CARHSP1: variants seen among roughly 807,000 people sequenced by gnomAD.
The protein encoded by CARHSP1 is calcium-regulated heat-stable protein 1.
A neutral mutation model predicts 12.5 loss-of-function variants in CARHSP1; 14 were observed. That is an observed-to-expected ratio of 1.12 (90% confidence interval 0.74 to 1.75). The LOEUF (loss-of-function observed/expected upper bound fraction) is 1.75, where lower values mean the gene tolerates loss of function less well. Ranked by LOEUF, CARHSP1 falls within the 40% of genes most tolerant of loss-of-function variation. The probability of loss-of-function intolerance (pLI) is 0.00; values close to 1 mark genes in which losing one functional copy is unlikely to be tolerated. For synonymous variants in CARHSP1, 161 were observed against 82.0 expected (o/e 1.96, Z -5.20); for missense variants, 343 against 201.6 (o/e 1.70, Z -4.25).
Position 8,858,492 on chromosome 16 carries a change from GT to G in CARHSP1, c.159-21del. On this transcript the variant is annotated intron_variant, in intron 2 of 3. Coordinates refer to ENST00000311052, the MANE Select transcript of CARHSP1 (RefSeq NM_014316.4). ...ACCGTCCTGACAGAGAGGGGGAAAT[GT>G]CAGGGGCCCCATCAGCGCTCCTGGG... 1 of 1,612,044 alleles carries G rather than the reference GT, an allele frequency of 6.2e-7. No homozygotes were observed. Among genetic ancestry groups the G allele is most frequent in the Non-Finnish European group, 8.5e-7 (1 of 1,179,690 alleles).
At position 8,858,448 on chromosome 16, in the gene CARHSP1, G is replaced by C. The variant is rs753383995; in HGVS notation, c.183C>G (p.Pro61=). 6.8e-6 allele frequency: 11 copies of C among 1,613,718 alleles called. No homozygotes were observed. Among genetic ancestry groups the C allele is most frequent in the East Asian group, 6.7e-5 (3 of 44,884 alleles). Residue 61 remains proline (P), a synonymous_variant, in exon 3 of 4, where the codon CCC becomes CCG. Coordinates refer to ENST00000311052, the MANE Select transcript of CARHSP1 (RefSeq NM_014316.4). ...FSATVRASQG[P]VYKGVCKCFC... ...AGCATTTGCAGACTCCTTTGTAGAC[G>C]GGGCCCTGTGAAGCCCGCACCGTCC...
chr16:8,864,235 A>C (rs1249653972), intron 1 of CARHSP1, among the ~76,000 whole-genome samples: 1 of 152,130 alleles, frequency 6.6e-6, no homozygotes, highest in East Asian at 1.9e-4. Flanking sequence ...TCTGCATCTG[A>C]GCGCATACAC....
At chr16:8,861,913 C>A in intron 1 of CARHSP1, 1 of 669,972 alleles carries the variant, frequency 1.5e-6, no homozygotes, top group Non-Finnish European at 2.1e-6. Context: ...CGCAACTCCA[C>A]AGTTAGAGAC....
chr16:8,858,050 A>G (rs1164026965), intron 3 of CARHSP1: 1 of 356,270 alleles, frequency 2.8e-6, no homozygotes, highest in Non-Finnish European at 5.2e-6. Flanking sequence ...GGCGTGAGCC[A>G]CCACGCCCAG....
At chr16:8,864,208 G>C (rs1192378957) in intron 1 of CARHSP1, among the ~76,000 whole-genome samples, 1 of 152,172 alleles carries the variant, frequency 6.6e-6, no homozygotes, top group African/African-American at 2.4e-5. Flanking sequence ...ATACATATGT[G>C]CCCACACATG....
intron 3 of CARHSP1, among the ~76,000 whole-genome samples, chr16:8,857,263 G>GTTTTTTGTTTTTTT (rs1315960023): frequency 4.0e-4 from 23 of 57,030 alleles, no homozygotes; most frequent in South Asian, 8.8e-4. Flanking sequence ...GGGCAGATCT[G>GTTTTTTGTTTTTTT]TTTTTTTTTT....
chr16:8,859,150 C>G (rs757257180), intron 2 of CARHSP1, 21 bp downstream of exon 2: 1 of 1,572,952 alleles, frequency 6.4e-7, no homozygotes, highest in Non-Finnish European at 8.7e-7. Context: ...AGAACGCGTC[C>G]CCAGCCTGCT....
chr16:8,862,094 C>G (rs1376698825), intron 1 of CARHSP1, among the ~76,000 whole-genome samples: 1 of 147,346 alleles, frequency 6.8e-6, no homozygotes, highest in Non-Finnish European at 1.5e-5. Flanking sequence ...CCTCCACCTT[C>G]TGGGTTCAAG....
intron 3 of CARHSP1, among the ~76,000 whole-genome samples, chr16:8,855,931 T>C (rs764049963): frequency 1.3e-5 from 2 of 152,224 alleles, no homozygotes; most frequent in Admixed American, 6.5e-5. Flanking sequence ...GTGATTCTCC[T>C]GCCTCAGCCA....
chr16:8,868,875 G>A (rs976108509), intron 1 of CARHSP1, 91 bp downstream of exon 1: 1 of 151,944 alleles, frequency 6.6e-6, no homozygotes, highest in East Asian at 2.0e-4. Context: ...GGGGACGATG[G>A]AGGCAGAGGA....
At chr16:8,859,101 A>C (rs961588836) in intron 2 of CARHSP1, 70 bp downstream of exon 2, 3 of 1,433,832 alleles carry the variant, frequency 2.1e-6, no homozygotes, top group Non-Finnish European at 2.8e-6. Flanking sequence ...ATGGCCAGAG[A>C]CACAGTGAAT....
At chr16:8,866,121 T>A (rs1470122804) in intron 1 of CARHSP1, among the ~76,000 whole-genome samples, 1 of 152,136 alleles carries the variant, frequency 6.6e-6, no homozygotes, top group African/African-American at 2.4e-5. Flanking sequence ...ACCCAGCTAA[T>A]TTTTTTATTT....
chr16:8,862,337 T>A (rs972344607), intron 1 of CARHSP1, among the ~76,000 whole-genome samples: 1 of 152,084 alleles, frequency 6.6e-6, no homozygotes, highest in African/African-American at 2.4e-5. Flanking sequence ...CACTAAGCAC[T>A]GGGCACACTG....
At position 8,862,566 on chromosome 16, in the gene CARHSP1, G is replaced by T. The variant is rs139912526; in HGVS notation, c.-7-3231C>A. 4.6e-5 allele frequency among the ~76,000 whole-genome samples: 7 copies of T among 152,272 alleles called. No homozygotes were observed. The East Asian group carries it at 1.2e-3, about 25-fold the overall frequency. On this transcript the variant is annotated intron_variant, in intron 1 of 3. Coordinates refer to ENST00000311052, the MANE Select transcript of CARHSP1 (RefSeq NM_014316.4). ...TAAAGAAACAGACAGAAGGGGATAG[G>T]GGGAGAAGGGTGGGAATACACACGC...
chr16:8,859,081 A>G lies in CARHSP1; in HGVS notation c.158+90T>C, dbSNP rs549122907. On this transcript the variant is annotated intron_variant, in intron 2 of 3. Coordinates refer to ENST00000311052, the MANE Select transcript of CARHSP1 (RefSeq NM_014316.4). ...CTGCCTATTTGGCAGTCCGGGACAT[A>G]GGCCCAAAAATGGCCAGAGACACAG... 3.1e-6 allele frequency: 4 copies of G among 1,295,202 alleles called. No individual in the cohort carries two copies. In the East Asian group the frequency reaches 7.7e-5, roughly 25 times the overall value. The allele number at this position is 1,295,202 out of a possible 1,614,324, so 80.2% of individuals were successfully genotyped here.
intron 3 of CARHSP1, 69 bp downstream of exon 3, chr16:8,858,281 A>G: frequency 6.4e-7 from 1 of 1,569,728 alleles, no homozygotes; most frequent in Non-Finnish European, 8.6e-7. Context: ...GTCACACACC[A>G]TCCCCACCTC....
chr16:8,865,246 A>G (rs1424703343), intron 1 of CARHSP1, among the ~76,000 whole-genome samples: 3 of 152,102 alleles, frequency 2.0e-5, no homozygotes, highest in Non-Finnish European at 4.4e-5. Context: ...AGTAGCTGGG[A>G]CTACAGGCAT....
intron 1 of CARHSP1, 123 bp from the exon 2 acceptor site, chr16:8,859,458 ATTGTCACC>A (rs1299041681): frequency 1.2e-5 from 10 of 859,232 alleles, no homozygotes; most frequent in Non-Finnish European, 1.6e-5. Flanking sequence ...CCTCAGCACC[ATTGTCACC>A]TTGTCTGGGA....
Position 8,855,305 on chromosome 16 carries a change from TG to T in CARHSP1, c.302del (p.Pro101GlnfsTer126). Reference sequence around the variant, plus strand: ...TATAGGTGACCTCGTCGCCTTCCACTGGGACATACTCCCCTTCCACACTACG... The same window carrying T: ...TATAGGTGACCTCGTCGCCTTCCACTGGACATACTCCCCTTCCACACTACG... ...HISDVEGEYV[P>X]VEGDEVTYKM... On this transcript the variant is annotated frameshift_variant, in exon 4 of 4. Transcript: ENST00000311052. LOFTEE classifies it high-confidence loss of function. 6.2e-7 allele frequency: 1 copy of T among 1,607,194 alleles called. No homozygotes were observed. Among genetic ancestry groups the T allele is most frequent in the Non-Finnish European group, 8.5e-7 (1 of 1,175,820 alleles).
Sources: gnomAD v4.1 joint callset for allele counts (sites outside exome capture counted in the v4.1 genomes callset) on GRCh38, gnomAD v4.1.1 for gene constraint, MANE v1.5 for transcripts, NCBI Gene and HGNC (gene_info 2026-07-23, HGNC 2026-07-21) for gene names.